The following FAM83B variants were observed in gnomAD, a reference collection of about 807,000 sequenced individuals.
The protein encoded by FAM83B is protein FAM83B.
In FAM83B, 26 loss-of-function variants were observed where a neutral mutation model predicts 38.8. The ratio of observed to expected loss-of-function variants is 0.67; its 90% confidence interval spans 0.49 to 0.93. The LOEUF is 0.93. FAM83B is among the 40% of genes least tolerant of loss of function. The probability of loss-of-function intolerance (pLI) is 0.00; values close to 1 mark genes in which losing one functional copy is unlikely to be tolerated. For missense variants in FAM83B, 1,237 were observed against 1,197.3 expected, an observed-to-expected ratio of 1.03 and a Z score of -0.49; for synonymous variants, 419 against 423.1, an observed-to-expected ratio of 0.99 and a Z score of 0.12.
Position 54,927,506 on chromosome 6 carries a change from A to G in FAM83B, c.610-2A>G. 6.3e-7 allele frequency: 1 copy of G among 1,591,586 alleles called. No individual in the cohort carries two copies. Among genetic ancestry groups the G allele is most frequent in the Non-Finnish European group, 8.6e-7 (1 of 1,166,958 alleles). On this transcript the variant is annotated splice_acceptor_variant, in intron 3 of 4. Transcript: ENST00000306858. LOFTEE classifies it high-confidence loss of function. ...CTGCTTTTTATTTACATATAATTCT[A>G]GAATATTCGAGTGCGAACAGTAAAA... is the stretch of plus-strand genomic sequence containing the variant.
intron 4 of FAM83B, among the ~76,000 whole-genome samples, chr6:54,933,621 G>T (rs1773469928): frequency 6.6e-6 from 1 of 152,000 alleles, no homozygotes; most frequent in African/African-American, 2.4e-5. Flanking sequence ...CCCAGTCTTT[G>T]TATACTGTCT....
At chr6:54,922,818 T>C (rs1481399014) in intron 2 of FAM83B, among the ~76,000 whole-genome samples, 1 of 152,108 alleles carries the variant, frequency 6.6e-6, no homozygotes, top group Non-Finnish European at 1.5e-5. Context: ...GTATTCACAA[T>C]GTATCCATTA....
intron 2 of FAM83B, among the ~76,000 whole-genome samples, chr6:54,916,196 A>T (rs1581919882): frequency 6.6e-6 from 1 of 152,036 alleles, no homozygotes; most frequent in East Asian, 1.9e-4. Flanking sequence ...AATTTTCCTT[A>T]TGCAGAGGGA....
At chr6:54,883,818 G>A (rs1772199605) in intron 2 of FAM83B, among the ~76,000 whole-genome samples, 1 of 151,186 alleles carries the variant, frequency 6.6e-6, no homozygotes. Flanking sequence ...CTTAATCTCA[G>A]TGTAGCCCAA....
At chr6:54,899,044 C>T (rs1178801568) in intron 2 of FAM83B, among the ~76,000 whole-genome samples, 3 of 152,138 alleles carry the variant, frequency 2.0e-5, no homozygotes, top group Non-Finnish European at 4.4e-5. Flanking sequence ...CCTGTTGCTC[C>T]AGCTAGACTT....
chr6:54,931,042 ACTT>A lies in FAM83B; in HGVS notation c.734+3417_734+3419del, dbSNP rs1244596177. Among the ~76,000 whole-genome samples the A allele has an allele frequency of 4.3e-4, 65 of 152,022 alleles. No homozygotes were observed. In the East Asian group the frequency reaches 7.9e-3, roughly 19 times the overall value. On this transcript the variant is annotated intron_variant, in intron 4 of 4. Coordinates refer to ENST00000306858, the MANE Select transcript of FAM83B (RefSeq NM_001010872.3). ...AAGGTATTTTCTAATTTCCTTTGTGACTTCTTCTTTGACTCATTGGCTACTCAA... is the reference window on the plus strand; with the variant it reads ...AAGGTATTTTCTAATTTCCTTTGTGACTTCTTTGACTCATTGGCTACTCAA...
chr6:54,856,201 TCACATATACA>T lies in FAM83B; in HGVS notation c.-61+9379_-61+9388del, dbSNP rs1230411499. On this transcript the variant is annotated intron_variant, in intron 1 of 4. Transcript: ENST00000306858. Reference sequence around the variant, plus strand: ...GAAAAAGCAAGATTTACTCATGGACTCACATATACACACCCATATGTAAATTGTGCAGAGC... The same window carrying T: ...GAAAAAGCAAGATTTACTCATGGACTCACCCATATGTAAATTGTGCAGAGC... Among the ~76,000 whole-genome samples the T allele has an allele frequency of 1.7e-4, 26 of 152,294 alleles. No individual in the cohort carries two copies. The South Asian group carries it at 3.9e-3, about 23-fold the overall frequency.
chr6:54,884,469 G>A (rs1267091608), intron 2 of FAM83B, among the ~76,000 whole-genome samples: 2 of 141,622 alleles, frequency 1.4e-5, no homozygotes, highest in African/African-American at 5.5e-5. Flanking sequence ...GCAACAGAGT[G>A]AGACTCTGTC....
In FAM83B at chr6:54,942,172, G is replaced by A; in HGVS notation, c.*165G>A. ...GTTATTTTTCTGTGTGATAAAGTTA[G>A]GGTCTGCTGTAGATAGAATTTCTCT... is the stretch of plus-strand genomic sequence containing the variant. On this transcript the variant is annotated 3_prime_UTR_variant, in exon 5 of 5. Transcript: ENST00000306858. The A allele has an allele frequency of 2.9e-6, 2 of 700,514 alleles. No individual in the cohort carries two copies. Among genetic ancestry groups the A allele is most frequent in the Non-Finnish European group, 4.6e-6 (2 of 437,554 alleles). The allele number at this position is 700,514 out of a possible 1,614,324, so 43.4% of individuals were successfully genotyped here.
At chr6:54,853,086 A>G (rs192842304) in intron 1 of FAM83B, among the ~76,000 whole-genome samples, 16 of 152,316 alleles carry the variant, frequency 1.1e-4, no homozygotes, top group Admixed American at 3.9e-4. Context: ...GCCAAAGCCT[A>G]ATCCAGAGCA....
chr6:54,884,076 G>C (rs1334180917), intron 2 of FAM83B, among the ~76,000 whole-genome samples: 4 of 151,996 alleles, frequency 2.6e-5, no homozygotes, highest in Non-Finnish European at 5.9e-5. Context: ...GGCCAAGGTG[G>C]GCGGATCACG....
At chr6:54,852,924 C>T (rs143685695) in intron 1 of FAM83B, among the ~76,000 whole-genome samples, 15 of 134,768 alleles carry the variant, frequency 1.1e-4, no homozygotes, top group African/African-American at 3.7e-4. Context: ...AAAGATTATT[C>T]GATTTTTGTT....
At chr6:54,921,863 T>C (rs896046603) in intron 2 of FAM83B, among the ~76,000 whole-genome samples, 1 of 152,066 alleles carries the variant, frequency 6.6e-6, no homozygotes, top group Non-Finnish European at 1.5e-5. Flanking sequence ...TAATTATTAT[T>C]CTTTCCCAGG....
In FAM83B at chr6:54,850,878, G is replaced by A. The variant is rs150406945; in HGVS notation, c.-61+4052G>A. ...TACTAAAAATACAAAAATTGGCCAGGCGTGGTGGCGGGTGCCTGTAATCCC... is the reference window on the plus strand; with the variant it reads ...TACTAAAAATACAAAAATTGGCCAGACGTGGTGGCGGGTGCCTGTAATCCC... On this transcript the variant is annotated intron_variant, in intron 1 of 4. Coordinates refer to ENST00000306858, the MANE Select transcript of FAM83B (RefSeq NM_001010872.3). Among the ~76,000 whole-genome samples, 20 of 152,032 alleles carry A rather than the reference G, an allele frequency of 1.3e-4. No individual in the cohort carries two copies. The East Asian group carries it at 3.5e-3, about 27-fold the overall frequency.
intron 1 of FAM83B, among the ~76,000 whole-genome samples, chr6:54,865,967 CATAATAATAATA>C (rs3064911): frequency 1.0e-3 from 150 of 148,016 alleles, no homozygotes; most frequent in Non-Finnish European, 1.9e-3. Flanking sequence ...GTAAAATAGT[CATAATAATAATA>C]ATAATAATAA....
chr6:54,865,120 G>A (rs1561906608), intron 1 of FAM83B, among the ~76,000 whole-genome samples: 1 of 152,212 alleles, frequency 6.6e-6, no homozygotes, highest in Non-Finnish European at 1.5e-5. Flanking sequence ...TAGTGCAGCT[G>A]TAACGAAGTA....
At chr6:54,902,196 C>T (rs1208623511) in intron 2 of FAM83B, among the ~76,000 whole-genome samples, 1 of 152,078 alleles carries the variant, frequency 6.6e-6, no homozygotes, top group Non-Finnish European at 1.5e-5. Flanking sequence ...CCCGAGATGC[C>T]CTCAAGTTCC....
intron 1 of FAM83B, among the ~76,000 whole-genome samples, chr6:54,865,880 C>T (rs1244863647): frequency 6.6e-6 from 1 of 151,802 alleles, no homozygotes; most frequent in Non-Finnish European, 1.5e-5. Flanking sequence ...GAAAAAACAT[C>T]TCTTTTCAAA....
chr6:54,897,887 T>C (rs533959815), intron 2 of FAM83B, among the ~76,000 whole-genome samples: 48 of 152,202 alleles, frequency 3.2e-4, no homozygotes, highest in Admixed American at 1.4e-3. Flanking sequence ...TACAACATAA[T>C]CAAGTAAAAC....
Sources: allele counts gnomAD v4.1 joint callset (sites outside exome capture counted in the v4.1 genomes callset), GRCh38; gene constraint gnomAD v4.1.1; transcripts MANE v1.5; gene names NCBI Gene and HGNC (gene_info 2026-07-23, HGNC 2026-07-21).